Variants in FASTKD1 observed in about 807,000 individuals in gnomAD.
FASTKD1 encodes the protein FAST kinase domains 1.
Under a neutral mutation model 90.9 loss-of-function variants are expected in FASTKD1, and 94 were observed. The observed-to-expected ratio is 1.03, with a 90% confidence interval of 0.88 to 1.23. The LOEUF (loss-of-function observed/expected upper bound fraction) is 1.23, where lower values mean the gene tolerates loss of function less well. Ranked by LOEUF, FASTKD1 falls within the 50% of genes most tolerant of loss-of-function variation. The pLI is 0.00. For missense variants in FASTKD1, 945 were observed against 993.5 expected, an observed-to-expected ratio of 0.95 and a Z score of 0.66; for synonymous variants, 319 against 345.8, an observed-to-expected ratio of 0.92 and a Z score of 0.86.
intron 4 of FASTKD1, among the ~76,000 whole-genome samples, chr2:169,561,950 A>T (rs28420960): frequency 0.53 from 37,411 of 70,900 alleles, 12,012 homozygotes; most frequent in East Asian, 0.91. Flanking sequence ...TTATAAATTA[A>T]TTATTAATTT....
intron 7 of FASTKD1, among the ~76,000 whole-genome samples, chr2:169,548,629 G>A (rs1285998375): frequency 6.6e-6 from 1 of 150,890 alleles, no homozygotes; most frequent in Non-Finnish European, 1.5e-5. Context: ...CTACTGGGGA[G>A]GCTAAGGCAT....
intron 7 of FASTKD1, among the ~76,000 whole-genome samples, chr2:169,554,288 A>T (rs1685641655): frequency 9.0e-6 from 1 of 110,810 alleles, no homozygotes; most frequent in South Asian, 2.8e-4. Flanking sequence ...TAAAAAAAAA[A>T]AAAAAAAAAA....
rs553731936 is a variant in FASTKD1 at position 169,557,305 on chromosome 2, CAA to C, written c.972-10_972-9del. On this transcript the variant is annotated splice_polypyrimidine_tract_variant and intron_variant, in intron 5 of 14. Transcript: ENST00000453153. ...AACATAGTTGATTTAAGTCTAGAAG[CAA>C]AAAAAAAAAAGTTTTTGGTTGAAAG... The C allele has an allele frequency of 1.6e-3, 1,835 of 1,159,340 alleles. No individual in the cohort carries two copies. The highest frequency in any genetic ancestry group is 2.3e-3 in the South Asian group (136 of 60,166). 71.8% of individuals were successfully genotyped at this position (1,159,340 alleles called of 1,614,324 possible).
chr2:169,562,057 A>AATTTATTGTAAATTAATTATTTG lies in FASTKD1; in HGVS notation c.572+1167_572+1168insCAAATAATTAATTTACAATAAAT, dbSNP rs1559157547. Among the ~76,000 whole-genome samples the AATTTATTGTAAATTAATTATTTG allele has an allele frequency of 2.1e-4, 24 of 116,250 alleles. 5 individuals are homozygous for AATTTATTGTAAATTAATTATTTG. Among genetic ancestry groups the AATTTATTGTAAATTAATTATTTG allele is most frequent in the South Asian group, 7.7e-4 (3 of 3,908 alleles). The allele number at this position is 116,250 out of a possible 152,430, so 76.3% of individuals were successfully genotyped here. ...TTAATTTATTGTAAATTAATTATTT[A>AATTTATTGTAAATTAATTATTTG]TTAATTTATTGTAAAATAATTATTT... is the stretch of plus-strand genomic sequence containing the variant. On this transcript the variant is annotated intron_variant, in intron 4 of 14. Coordinates refer to ENST00000453153, the MANE Select transcript of FASTKD1 (RefSeq NM_024622.6).
chr2:169,537,726 C>T (rs1474963624), intron 11 of FASTKD1, among the ~76,000 whole-genome samples: 1 of 151,998 alleles, frequency 6.6e-6, no homozygotes, highest in Admixed American at 6.6e-5. Flanking sequence ...GTTCTACAAA[C>T]TGAAAAATAA....
intron 7 of FASTKD1, among the ~76,000 whole-genome samples, chr2:169,548,768 G>T (rs1375616563): frequency 2.1e-5 from 3 of 139,638 alleles, no homozygotes; most frequent in Non-Finnish European, 4.6e-5. Flanking sequence ...TTTAGGTATA[G>T]AAGTAGTGGA....
chr2:169,558,461 T>C (rs1669485136), intron 5 of FASTKD1, among the ~76,000 whole-genome samples: 1 of 150,596 alleles, frequency 6.6e-6, no homozygotes, highest in Non-Finnish European at 1.5e-5. Context: ...TTTTTGTTTG[T>C]TTTTTGAGAC....
chr2:169,534,463 C>CTTTTTTTTT (rs1210482307), intron 12 of FASTKD1, among the ~76,000 whole-genome samples: 2 of 110,670 alleles, frequency 1.8e-5, no homozygotes, highest in Admixed American at 1.1e-4. Context: ...TTTTTTTTTT[C>CTTTTTTTTT]TTTTTTTTTT....
Position 169,562,466 on chromosome 2 carries a change from C to G in FASTKD1, c.572+759G>C, listed in dbSNP as rs140446303. Among the ~76,000 whole-genome samples, 714 of 152,228 alleles carry G rather than the reference C, an allele frequency of 4.7e-3. 6 individuals carry two copies. Among genetic ancestry groups the G allele is most frequent in the African/African-American group, 0.016 (674 of 41,540 alleles). The stretch of plus-strand genomic sequence containing the variant: ...CAGGCTGGTCTCGAACTCCTGACAT[C>G]AAGTGATCCACCCACTTCGGCCTCC... On this transcript the variant is annotated intron_variant, in intron 4 of 14. Coordinates refer to ENST00000453153, the MANE Select transcript of FASTKD1 (RefSeq NM_024622.6).
At chr2:169,561,001 TA>T (rs556371261) in intron 4 of FASTKD1, among the ~76,000 whole-genome samples, 255 of 148,288 alleles carry the variant, frequency 1.7e-3, no homozygotes, top group African/African-American at 5.9e-3. Context: ...GTATTTTTTT[TA>T]AAAAAAAGGC....
Position 169,546,667 on chromosome 2 carries a change from C to T in FASTKD1, c.1252G>A (p.Val418Ile). The T allele has an allele frequency of 6.2e-7, 1 of 1,612,464 alleles. No homozygotes were observed. The highest frequency in any genetic ancestry group is 8.5e-7 in the Non-Finnish European group (1 of 1,179,358). ...AGCAGGGAAATAGCACGGACCAGAA[C>T]AGACACCTCAGTTGGTATGAAACTA... ...KNSFIPTEVS[V>I]LVRAISLLPS... The change falls in exon 8 of 15, where the codon GTT becomes ATT. Residue 418 changes from valine to isoleucine, a missense_variant. Transcript: ENST00000453153.
chr2:169,567,272 A>G (rs74263907), intron 3 of FASTKD1, among the ~76,000 whole-genome samples: 5,325 of 152,318 alleles, frequency 0.035, 125 homozygotes, highest in East Asian at 0.13. Context: ...AACACAAAAG[A>G]CCACCTATTT....
Position 169,544,807 on chromosome 2 carries a change from A to G in FASTKD1, c.1730T>C (p.Ile577Thr), listed in dbSNP as rs1685115267. Residue 577 changes from isoleucine to threonine, a missense_variant, in exon 9 of 15, where the codon ATT (isoleucine) becomes ACT (threonine). Transcript: ENST00000453153. Reference protein sequence around the residue: ...KIHPFTIPAIIRPFSVLNYDP... With the variant: ...KIHPFTIPAITRPFSVLNYDP... ...ATAGTTCAATACGCTGAATGGACGA[A>G]TAATAGCAGGGATTGTAAAAGGATG... is the stretch of plus-strand genomic sequence containing the variant. 21 of 1,611,528 alleles carry G rather than the reference A, an allele frequency of 1.3e-5. No homozygotes were observed. The highest frequency in any genetic ancestry group is 1.7e-5 in the Non-Finnish European group (20 of 1,177,876).
At chr2:169,544,594 A>C in intron 9 of FASTKD1, 127 bp downstream of exon 9, 2 of 649,508 alleles carry the variant, frequency 3.1e-6, no homozygotes, top group Non-Finnish European at 5.5e-6. Flanking sequence ...CAAACAAAAA[A>C]CCTTTTTTTA....
intron 12 of FASTKD1, 102 bp from the exon 13 acceptor site, chr2:169,531,592 C>G (rs1684496474): frequency 1.2e-6 from 1 of 861,832 alleles, no homozygotes. Flanking sequence ...TTTGTACACA[C>G]ACACACTCAC....
rs1559156377 is a variant in FASTKD1 at position 169,561,744 on chromosome 2, C to CATTATAAATTATTTATTT, written c.573-960_573-959insAAATAAATAATTTATAAT. On this transcript the variant is annotated intron_variant, in intron 4 of 14. Coordinates refer to ENST00000453153, the MANE Select transcript of FASTKD1 (RefSeq NM_024622.6). ...ATTAATCTATTATAAATTAATTATT[C>CATTATAAATTATTTATTT]ATTATAAATTATTTATTAATTTATT... 4.6e-3 allele frequency among the ~76,000 whole-genome samples: 336 copies of CATTATAAATTATTTATTT among 72,938 alleles called. 8 individuals are homozygous for CATTATAAATTATTTATTT. Among genetic ancestry groups the CATTATAAATTATTTATTT allele is most frequent in the African/African-American group, 0.013 (322 of 24,680 alleles). 47.9% of individuals were successfully genotyped at this position (72,938 alleles called of 152,430 possible).
intron 4 of FASTKD1, among the ~76,000 whole-genome samples, chr2:169,561,941 T>C (rs1683675595): frequency 7.1e-6 from 1 of 140,636 alleles, no homozygotes; most frequent in Non-Finnish European, 1.5e-5. Flanking sequence ...GTTAATTTAT[T>C]ATAAATTAAT....
intron 9 of FASTKD1, 133 bp downstream of exon 9, chr2:169,544,588 C>T: frequency 1.6e-6 from 1 of 639,086 alleles, no homozygotes; most frequent in Non-Finnish European, 2.8e-6. Context: ...AACAAACAAA[C>T]AAAAAACCTT....
intron 12 of FASTKD1, among the ~76,000 whole-genome samples, chr2:169,536,462 CT>C (rs1175335176): frequency 6.6e-6 from 1 of 151,928 alleles, no homozygotes; most frequent in Admixed American, 6.6e-5. Context: ...GGATTACCAA[CT>C]TTTTTGTTAT....
Sources: allele counts gnomAD v4.1 joint callset (sites outside exome capture counted in the v4.1 genomes callset), GRCh38; gene constraint gnomAD v4.1.1; transcripts MANE v1.5; gene names NCBI Gene and HGNC (gene_info 2026-07-23, HGNC 2026-07-21).